Variants in SETD1A observed in about 807,000 individuals in gnomAD.
The protein encoded by SETD1A is SET domain containing 1A, histone lysine methyltransferase.
In SETD1A, 29 loss-of-function variants were observed where a neutral mutation model predicts 149.9. The ratio of observed to expected loss-of-function variants is 0.19; its 90% CI spans 0.14 to 0.26. The LOEUF (loss-of-function observed/expected upper bound fraction) is 0.26, where lower values mean the gene tolerates loss of function less well. SETD1A is among the 10% of genes least tolerant of loss of function. The pLI is 1.00. For missense variants in SETD1A, 2,109 were observed against 2,353.1 expected (o/e 0.90, Z 2.15); for synonymous variants, 1,141 against 968.5 (o/e 1.18, Z -3.31).
chr16:30,963,298 G>T, intron 4 of SETD1A, 135 bp from the exon 5 acceptor site: 1 of 721,384 alleles, frequency 1.4e-6, no homozygotes, highest in Non-Finnish European at 2.2e-6. Flanking sequence ...TAGAGTTATG[G>T]TAGGAGAACT....
Position 30,967,035 on chromosome 16 carries a change from G to A in SETD1A, c.2657G>A (p.Gly886Glu), listed in dbSNP as rs781317295. The A allele has an allele frequency of 1.3e-6, 2 of 1,595,654 alleles. No homozygotes were observed. Among genetic ancestry groups the A allele is most frequent in the Non-Finnish European group, 1.7e-6 (2 of 1,172,518 alleles). ...EAFAFGSGLR[G>E]ALRLPSFKVK... ...TTCGCCTTTGGGTCAGGGCTGAGAG[G>A]GGCCCTGCGGCTGCCTTCATTCAAG... Residue 886 changes from glycine to glutamate, a missense_variant, in exon 9 of 19, where the codon GGG becomes GAG. Gly to Glu is a moderately conservative substitution (Grantham distance 98, BLOSUM62 -2). Around this residue, in one of 8 missense-constraint regions of SETD1A, gnomAD observed 832 missense variants for 815.6 expected, o/e 1.02. Transcript: ENST00000262519.
At position 30,980,004 on chromosome 16, in the gene SETD1A, A is replaced by G. The variant is rs757702973; in HGVS notation, c.4218A>G (p.Pro1406=). 4.5e-6 allele frequency: 1 copy of G among 224,268 alleles called. No individual in the cohort carries two copies. Among genetic ancestry groups the G allele is most frequent in the Non-Finnish European group, 6.6e-6 (1 of 150,946 alleles). 13.9% of individuals were successfully genotyped at this position (224,268 alleles called of 1,614,324 possible). A position where few individuals can be genotyped will look rare whatever the true frequency, so the allele number is the denominator to read the frequency against. The change falls in exon 14 of 19, where the codon CCA becomes CCG. Residue 1406 remains proline, a synonymous_variant. Coordinates refer to ENST00000262519, the MANE Select transcript of SETD1A (RefSeq NM_014712.3). This position sits in a 1 kb window ranked among gnomAD's most constrained non-coding sequence, Gnocchi z 7.7. The stretch of plus-strand genomic sequence containing the variant: ...CCCGGCGCCGCCGCCCTCCGCCCCC[A>G]CCCCCGCCGCCACCGCCCCGCGCCT... ...SHARRRRPPP[P]PPPPPPRAYE...
intron 2 of SETD1A, 104 bp from the exon 3 acceptor site, chr16:30,958,987 G>T (rs1410467401): frequency 1.3e-6 from 2 of 1,485,566 alleles, no homozygotes; most frequent in East Asian, 2.3e-5. Context: ...AAAGTGGGCA[G>T]TTGGACCCAG....
At chr16:30,981,828 G>A (rs572243104) in intron 17 of SETD1A, among the ~76,000 whole-genome samples, 3 of 152,348 alleles carry the variant, frequency 2.0e-5, no homozygotes, top group African/African-American at 7.2e-5. Flanking sequence ...GTACATGGCT[G>A]TGGTCCCAGC....
chr16:30,980,864 C>A lies in SETD1A; in HGVS notation c.4692+15C>A. On this transcript the variant is annotated intron_variant, in intron 16 of 18. Coordinates refer to ENST00000262519, the MANE Select transcript of SETD1A (RefSeq NM_014712.3). This position sits in a 1 kb window ranked among gnomAD's most constrained non-coding sequence, Gnocchi z 7.7. ...ACCAGCTCAAGGTGAGGCTGGGCTG[C>A]AGGAGGGGCTGGGTGGGGTGGGGTG... The A allele has an allele frequency of 2.0e-6, 1 of 504,004 alleles. No homozygotes were observed. The highest frequency in any genetic ancestry group is 3.4e-6 in the Non-Finnish European group (1 of 293,232). 31.2% of individuals were successfully genotyped at this position (504,004 alleles called of 1,614,324 possible).
intron 6 of SETD1A, 114 bp from the exon 7 acceptor site, chr16:30,964,498 A>G: frequency 2.0e-6 from 3 of 1,514,356 alleles, no homozygotes; most frequent in Non-Finnish European, 1.8e-6. Flanking sequence ...GGAACCCAAC[A>G]TATAGCTCTT....
In SETD1A at chr16:30,965,331, T is replaced by C. The variant is rs769085268; in HGVS notation, c.1589T>C (p.Val530Ala). The C allele has an allele frequency of 6.2e-7, 1 of 1,614,078 alleles. No homozygotes were observed. Among genetic ancestry groups the C allele is most frequent in the East Asian group, 2.2e-5 (1 of 44,868 alleles). Residue 530 changes from valine to alanine, a missense_variant, in exon 7 of 19, where the codon GTG becomes GCG. Transcript: ENST00000262519. ...GGGGCCAGAGATACAGGGAGTGAGG[T>C]GCCTTCTGGGTCAGGGCATGGGCCC... ...VLGARDTGSE[V>A]PSGSGHGPCT...
chr16:30,983,551 T>C lies in SETD1A; in HGVS notation c.4813-84T>C. On this transcript the variant is annotated intron_variant, in intron 17 of 18. Transcript: ENST00000262519. The surrounding 1 kb of genome is among the most constrained non-coding windows in gnomAD (Gnocchi z 6.8). ...GCTGCAGCTCCAGGCCTGGTGGGCG[T>C]GGACCTGGGGTGCTGGCTGGCAGGC... The C allele has an allele frequency of 2.6e-6, 4 of 1,510,612 alleles. No homozygotes were observed. Among genetic ancestry groups the C allele is most frequent in the Non-Finnish European group, 3.6e-6 (4 of 1,114,104 alleles). 93.6% of individuals were successfully genotyped at this position (1,510,612 alleles called of 1,614,324 possible).
chr16:30,960,489 A>G (rs2054213), intron 3 of SETD1A, among the ~76,000 whole-genome samples: 80,430 of 152,026 alleles, frequency 0.53, 23,551 homozygotes, highest in East Asian at 0.91. Flanking sequence ...TCTGTACAAA[A>G]GTTTCCTTCC....
intron 4 of SETD1A, among the ~76,000 whole-genome samples, chr16:30,962,043 A>G (rs2056059275): frequency 6.7e-6 from 1 of 148,152 alleles, no homozygotes; most frequent in African/African-American, 2.5e-5. Context: ...AAGTCTCACT[A>G]CACTGCCCAG....
Position 30,965,005 on chromosome 16 carries a change from C to A in SETD1A, c.1263C>A (p.Thr421=), listed in dbSNP as rs760433703. 6.2e-7 allele frequency: 1 copy of A among 1,613,792 alleles called. No individual in the cohort carries two copies. The highest frequency in any genetic ancestry group is 1.3e-5 in the African/African-American group (1 of 75,040). ...SYLPPEPSRP[T]DQDYRPPASE... ...TGCCCCCCGAGCCCAGCCGGCCCAC[C>A]GACCAGGACTACCGGCCTCCTGCCT... The change falls in exon 7 of 19, where the codon ACC becomes ACA. Residue 421 remains threonine (T), a synonymous_variant. Transcript: ENST00000262519.
chr16:30,983,547 G>A lies in SETD1A; in HGVS notation c.4813-88G>A. 1 of 1,481,062 alleles carries A rather than the reference G, an allele frequency of 6.8e-7. No individual in the cohort carries two copies. The highest frequency in any genetic ancestry group is 9.2e-7 in the Non-Finnish European group (1 of 1,089,472). 91.7% of individuals were successfully genotyped at this position (1,481,062 alleles called of 1,614,324 possible). ...CAGAGCTGCAGCTCCAGGCCTGGTGGGCGTGGACCTGGGGTGCTGGCTGGC... is the reference window on the plus strand; with the variant it reads ...CAGAGCTGCAGCTCCAGGCCTGGTGAGCGTGGACCTGGGGTGCTGGCTGGC... On this transcript the variant is annotated intron_variant, in intron 17 of 18. Transcript: ENST00000262519. This position sits in a 1 kb window ranked among gnomAD's most constrained non-coding sequence, Gnocchi z 6.8.
At chr16:30,958,166 G>C (rs1325976206) in intron 1 of SETD1A, 2 of 150,602 alleles carry the variant, frequency 1.3e-5, no homozygotes, top group Admixed American at 6.6e-5. Flanking sequence ...AGACCTGCTG[G>C]GGGGGGTGCA....
At chr16:30,959,666 C>T (rs908214369) in intron 3 of SETD1A, among the ~76,000 whole-genome samples, 1 of 152,170 alleles carries the variant, frequency 6.6e-6, no homozygotes, top group Non-Finnish European at 1.5e-5. Context: ...GGGCCTGGAA[C>T]ACTGGTGGTT....
chr16:30,967,001 A>G lies in SETD1A; in HGVS notation c.2623A>G (p.Ile875Val), dbSNP rs900741601. Residue 875 changes from isoleucine to valine, a missense_variant, in exon 9 of 19, where the codon ATC becomes GTC. By Grantham distance (29) the Ile-to-Val change is conservative. Coordinates refer to ENST00000262519, the MANE Select transcript of SETD1A (RefSeq NM_014712.3). ...GGCCAAGAGCGGGGGCACTACGGGC[A>G]TCGAGGCTTTCGCCTTTGGGTCAGG... ...DWAKSGGTTG[I>V]EAFAFGSGLR... 54 of 1,598,676 alleles carry G rather than the reference A, an allele frequency of 3.4e-5. No individual in the cohort carries two copies. Among genetic ancestry groups the G allele is most frequent in the Non-Finnish European group, 4.3e-5 (51 of 1,173,416 alleles).
intron 17 of SETD1A, among the ~76,000 whole-genome samples, chr16:30,981,381 C>CT (rs2056375819): frequency 6.6e-6 from 1 of 152,144 alleles, no homozygotes; most frequent in Non-Finnish European, 1.5e-5. Flanking sequence ...TGCTCCCTTT[C>CT]TTTTTTTGTT....
Position 30,964,646 on chromosome 16 carries a change from G to C in SETD1A, c.904G>C (p.Glu302Gln), listed in dbSNP as rs1567351850. Residue 302 changes from glutamate to glutamine, a missense_variant, in exon 7 of 19, where the codon GAG becomes CAG. Transcript: ENST00000262519. ...AACCTCCTTCAAGCCCCGGCGGTCA[G>C]AGAACAGCTACCAAGATGCCTTTTC... Reference protein sequence around the residue: ...TSTSFKPRRSENSYQDAFSRR... With the variant: ...TSTSFKPRRSQNSYQDAFSRR... 1 of 1,613,740 alleles carries C rather than the reference G, an allele frequency of 6.2e-7. No homozygotes were observed. Among genetic ancestry groups the C allele is most frequent in the Non-Finnish European group, 8.5e-7 (1 of 1,179,942 alleles).
chr16:30,983,735 G>A lies in SETD1A; in HGVS notation c.4913G>A (p.Cys1638Tyr). 1.9e-6 allele frequency: 3 copies of A among 1,614,170 alleles called. No individual in the cohort carries two copies. The highest frequency in any genetic ancestry group is 2.5e-6 in the Non-Finnish European group (3 of 1,180,008). The part of the protein sequence containing the change: ...DHDTIIDATK[C>Y]GNLARFINHC... Reference sequence around the variant, plus strand: ...GACACCATCATCGATGCCACCAAGTGTGGCAACCTGGCCAGATTCATCAAC... The same window carrying A: ...GACACCATCATCGATGCCACCAAGTATGGCAACCTGGCCAGATTCATCAAC... The change falls in exon 18 of 19, where the codon TGT becomes TAT. Residue 1638 changes from cysteine (C) to tyrosine (Y), a missense_variant. Transcript: ENST00000262519. This position sits in a 1 kb window ranked among gnomAD's most constrained non-coding sequence, Gnocchi z 6.8.
chr16:30,963,729 ACGC>A (rs796633202), intron 5 of SETD1A, among the ~76,000 whole-genome samples, 175 bp downstream of exon 5: 11 of 152,352 alleles, frequency 7.2e-5, no homozygotes, highest in African/African-American at 2.6e-4. Context: ...ACAGTGGCTC[ACGC>A]CTGTAATCCC....
Sources: gnomAD v4.1 joint callset for allele counts (sites outside exome capture counted in the v4.1 genomes callset) on GRCh38, gnomAD v4.1.1 for gene constraint, gnomAD v4.1.1 regional missense constraint, Gnocchi (gnomAD v3.1) non-coding constraint, MANE v1.5 for transcripts, NCBI Gene and HGNC (gene_info 2026-07-23, HGNC 2026-07-21) for gene names.